Variants in SHTN1 observed in about 807,000 individuals in gnomAD.
The protein encoded by SHTN1 is shootin-1.
In SHTN1, 42 loss-of-function variants were observed where a neutral mutation model predicts 83.1. That is an observed-to-expected ratio of 0.51 (90% confidence interval 0.39 to 0.65). The LOEUF is 0.65. SHTN1 is among the 30% of genes least tolerant of loss of function. The pLI is 0.00. For missense variants in SHTN1, 622 were observed against 737.8 expected, an observed-to-expected ratio of 0.84 and a Z score of 1.82; for synonymous variants, 224 against 247.7, an observed-to-expected ratio of 0.90 and a Z score of 0.90.
At position 117,083,769 on chromosome 10, in the gene SHTN1, G is replaced by A. The variant is rs545963561; in HGVS notation, c.-188-35259C>T. ...CTTTTTTCTCTAAACTTTCCTTCTCGCTTCATTTCATTCATTTCATTCATT... is the reference window on the plus strand; with the variant it reads ...CTTTTTTCTCTAAACTTTCCTTCTCACTTCATTTCATTCATTTCATTCATT... On this transcript the variant is annotated intron_variant, in intron 1 of 17. Transcript: ENST00000392901. Among the ~76,000 whole-genome samples the A allele has an allele frequency of 1.2e-4, 18 of 151,830 alleles. No homozygotes were observed. In the East Asian group the frequency reaches 2.1e-3, roughly 18 times the overall value.
At chr10:117,117,375 A>C (rs2133643602) in intron 1 of SHTN1, among the ~76,000 whole-genome samples, 1 of 152,334 alleles carries the variant, frequency 6.6e-6, no homozygotes, top group Non-Finnish European at 1.5e-5. Context: ...CTATACAAGG[A>C]AACATTGGTG....
intron 1 of SHTN1, among the ~76,000 whole-genome samples, chr10:117,090,039 A>T (rs1853406571): frequency 6.6e-6 from 1 of 152,204 alleles, no homozygotes; most frequent in South Asian, 2.1e-4. Context: ...AGAAGATCCT[A>T]CAATATCACT....
intron 1 of SHTN1, among the ~76,000 whole-genome samples, chr10:117,078,273 C>T (rs1853192018): frequency 6.6e-6 from 1 of 152,150 alleles, no homozygotes; most frequent in Non-Finnish European, 1.5e-5. Flanking sequence ...ACACGCTTCC[C>T]ATCTGTAAGC....
At chr10:117,125,077 T>C (rs547105336) in intron 1 of SHTN1, among the ~76,000 whole-genome samples, 1 of 152,282 alleles carries the variant, frequency 6.6e-6, no homozygotes. Flanking sequence ...CAACCTGGCC[T>C]CAAAGCCACT....
intron 1 of SHTN1, among the ~76,000 whole-genome samples, chr10:117,117,768 G>A (rs1445390348): frequency 1.3e-5 from 2 of 152,082 alleles, no homozygotes; most frequent in Non-Finnish European, 2.9e-5. Flanking sequence ...CTTTGACAAA[G>A]GTGCCAAGAA....
At chr10:117,057,316 G>C (rs894351773) in intron 1 of SHTN1, among the ~76,000 whole-genome samples, 3 of 152,138 alleles carry the variant, frequency 2.0e-5, no homozygotes, top group Non-Finnish European at 2.9e-5. Context: ...CAAGCCACCT[G>C]GTAAGCAGCT....
intron 8 of SHTN1, among the ~76,000 whole-genome samples, chr10:116,943,397 T>C (rs1203633852): frequency 6.6e-6 from 1 of 152,212 alleles, no homozygotes; most frequent in Non-Finnish European, 1.5e-5. Context: ...GACCTGCTAT[T>C]CAGGTCAAAA....
chr10:116,933,332 G>A (rs925077406), intron 9 of SHTN1, among the ~76,000 whole-genome samples: 12 of 147,802 alleles, frequency 8.1e-5, no homozygotes, highest in Non-Finnish European at 1.3e-4. Context: ...CCCACCCCCC[G>A]ACAGGCCCTG....
intron 2 of SHTN1, among the ~76,000 whole-genome samples, chr10:117,022,317 A>G (rs1251490685): frequency 6.6e-6 from 1 of 152,226 alleles, no homozygotes; most frequent in Non-Finnish European, 1.5e-5. Flanking sequence ...CTAAACCAAT[A>G]CAATAAACAA....
At chr10:117,040,720 A>G (rs1330477011) in intron 2 of SHTN1, among the ~76,000 whole-genome samples, 1 of 152,148 alleles carries the variant, frequency 6.6e-6, no homozygotes, top group Non-Finnish European at 1.5e-5. Flanking sequence ...TTGACTTTTC[A>G]TTACTTTTGT....
chr10:116,924,424 GGAA>G lies in SHTN1; in HGVS notation c.1113-2911_1113-2909del, dbSNP rs376905903. 2.2e-3 allele frequency among the ~76,000 whole-genome samples: 334 copies of G among 151,464 alleles called. 1 individual carries two copies. The highest frequency in any genetic ancestry group is 7.6e-3 in the African/African-American group (312 of 40,798). The stretch of plus-strand genomic sequence containing the variant: ...GTACTTATATATATATTTACACACG[GGAA>G]GAAGAATATGTTTATTAGCATAAAC... On this transcript the variant is annotated intron_variant, in intron 11 of 16. Transcript: ENST00000355371.
intron 1 of SHTN1, among the ~76,000 whole-genome samples, chr10:116,980,496 T>A (rs1850975010): frequency 6.6e-6 from 1 of 151,860 alleles, no homozygotes; most frequent in African/African-American, 2.4e-5. Context: ...GGTCTTGCTA[T>A]TTTGCCCAGC....
chr10:116,933,779 C>T (rs1017957157), intron 9 of SHTN1, among the ~76,000 whole-genome samples: 1 of 152,190 alleles, frequency 6.6e-6, no homozygotes, highest in African/African-American at 2.4e-5. Flanking sequence ...TTTATACACC[C>T]ACCAACAGTG....
At chr10:116,914,196 G>A (rs553819588) in intron 13 of SHTN1, among the ~76,000 whole-genome samples, 21 of 152,216 alleles carry the variant, frequency 1.4e-4, no homozygotes, top group East Asian at 9.7e-4. Context: ...ATCAGAGGCC[G>A]GGCATGGTGG....
chr10:117,034,125 C>T (rs1248436403), intron 2 of SHTN1, among the ~76,000 whole-genome samples: 1 of 152,088 alleles, frequency 6.6e-6, no homozygotes, highest in African/African-American at 2.4e-5. Context: ...ATCTGGAACA[C>T]AACAAAGATT....
At chr10:116,958,733 C>A (rs944686596) in intron 4 of SHTN1, among the ~76,000 whole-genome samples, 1 of 152,112 alleles carries the variant, frequency 6.6e-6, no homozygotes, top group Admixed American at 6.6e-5. Context: ...TTAAAAGGGG[C>A]CATATGCAAA....
rs1239022188 is a variant in SHTN1 at position 116,884,553 on chromosome 10, GAAA to G, written c.*1788_*1790del. On this transcript the variant is annotated 3_prime_UTR_variant, in exon 17 of 17. Coordinates refer to ENST00000355371, the MANE Select transcript of SHTN1 (RefSeq NM_001127211.3). ...CCATATTATTCTGTGATGGTGTGAT[GAAA>G]TATGGAAAGACAGTGTACATATTTT... 3.6e-6 allele frequency: 1 copy of G among 279,872 alleles called. No homozygotes were observed. Among genetic ancestry groups the G allele is most frequent in the African/African-American group, 2.2e-5 (1 of 45,126 alleles). The allele number at this position is 279,872 out of a possible 1,614,324, so 17.3% of individuals were successfully genotyped here. A position where few individuals can be genotyped will look rare whatever the true frequency, so the allele number is the denominator to read the frequency against.
intron 2 of SHTN1, among the ~76,000 whole-genome samples, chr10:116,971,546 T>C (rs879565368): frequency 6.6e-6 from 1 of 152,178 alleles, no homozygotes; most frequent in Non-Finnish European, 1.5e-5. Flanking sequence ...TTTTCTAGAA[T>C]GGGCTTCTGT....
At chr10:117,116,312 T>C (rs891147963) in intron 1 of SHTN1, among the ~76,000 whole-genome samples, 4 of 152,084 alleles carry the variant, frequency 2.6e-5, no homozygotes, top group African/African-American at 7.2e-5. Flanking sequence ...TTGGGAAACC[T>C]AGAAGAAATG....
Sources: gnomAD v4.1 joint callset for allele counts (sites outside exome capture counted in the v4.1 genomes callset) on GRCh38, gnomAD v4.1.1 for gene constraint, MANE v1.5 for transcripts, NCBI Gene and HGNC (gene_info 2026-07-23, HGNC 2026-07-21) for gene names.